DSCAML1: variants seen among roughly 807,000 people sequenced by gnomAD.
DSCAML1 encodes cell adhesion molecule DSCAML1.
A neutral mutation model predicts 200.5 loss-of-function variants in DSCAML1; 38 were observed. The observed-to-expected ratio is 0.19, with a 90% CI of 0.15 to 0.25. DSCAML1 has a LOEUF of 0.25. Ranked by LOEUF, DSCAML1 falls within the 10% of genes least tolerant of loss-of-function variation. DSCAML1 has a pLI of 1.00. For missense variants in DSCAML1, 2,223 were observed against 2,858.8 expected (o/e 0.78, Z 5.07); for synonymous variants, 1,215 against 1,165.0 (o/e 1.04, Z -0.87).
chr11:117,788,720 G>A (rs2055407732), intron 1 of DSCAML1, among the ~76,000 whole-genome samples: 1 of 152,188 alleles, frequency 6.6e-6, no homozygotes, highest in South Asian at 2.1e-4. Context: ...ACAGCCCTTG[G>A]ATGTAGCTAC....
intron 21 of DSCAML1, among the ~76,000 whole-genome samples, chr11:117,442,283 GTGTA>G (rs1186698310): frequency 6.6e-6 from 1 of 150,954 alleles, no homozygotes; most frequent in Non-Finnish European, 1.5e-5. Context: ...TGTGTATAGT[GTGTA>G]TGTGTGTATA....
chr11:117,480,682 C>T lies in DSCAML1; in HGVS notation c.2657-111G>A, dbSNP rs1010883266. 3 of 1,331,092 alleles carry T rather than the reference C, an allele frequency of 2.3e-6. No homozygotes were observed. Among genetic ancestry groups the T allele is most frequent in the Non-Finnish European group, 2.1e-6 (2 of 971,922 alleles). 82.5% of individuals were successfully genotyped at this position (1,331,092 alleles called of 1,614,324 possible). ...TGGGTCTAGCCAAGGACTCTGGCACCCTAGGGTTTGAGCAGGGTGGGGGCT... is the reference window on the plus strand; with the variant it reads ...TGGGTCTAGCCAAGGACTCTGGCACTCTAGGGTTTGAGCAGGGTGGGGGCT... On this transcript the variant is annotated intron_variant, in intron 13 of 32. Transcript: ENST00000651296. The surrounding 1 kb of genome is among the most constrained non-coding windows in gnomAD (Gnocchi z 4.1).
At chr11:117,816,798 T>TGGGGAG (rs1555038448) in intron 1 of DSCAML1, among the ~76,000 whole-genome samples, 1 of 100,310 alleles carries the variant, frequency 1.0e-5, no homozygotes, top group South Asian at 3.8e-4. Context: ...TCGGAATTGC[T>TGGGGAG]GGGGGGGTGG....
rs1420091010 is a variant in DSCAML1 at position 117,435,944 on chromosome 11, C to A, written c.4721-145G>T. ...TCCTGGCACAGAACCCTGGACTTCCCCTCTGCTCCCCAAATTCTGGTCCTA... is the reference window on the plus strand; with the variant it reads ...TCCTGGCACAGAACCCTGGACTTCCACTCTGCTCCCCAAATTCTGGTCCTA... On this transcript the variant is annotated intron_variant, in intron 26 of 32. Coordinates refer to ENST00000651296, the MANE Select transcript of DSCAML1 (RefSeq NM_020693.4). The A allele has an allele frequency of 5.0e-6, 4 of 793,408 alleles. No homozygotes were observed. The East Asian group carries it at 1.1e-4, about 22-fold the overall frequency. The allele number at this position is 793,408 out of a possible 1,614,324, so 49.1% of individuals were successfully genotyped here. A position where few individuals can be genotyped will look rare whatever the true frequency, so the allele number is the denominator to read the frequency against.
intron 3 of DSCAML1, among the ~76,000 whole-genome samples, chr11:117,580,424 T>C (rs1345205355): frequency 2.0e-5 from 3 of 152,232 alleles, no homozygotes; most frequent in Non-Finnish European, 4.4e-5. Flanking sequence ...GTGTGACCTC[T>C]GGTAGGTACT....
At chr11:117,525,350 TGACA>T (rs773537965) in intron 4 of DSCAML1, among the ~76,000 whole-genome samples, 20 of 151,350 alleles carry the variant, frequency 1.3e-4, no homozygotes, top group Middle Eastern at 6.8e-3. Flanking sequence ...GGGACTAGAG[TGACA>T]GACAGAGAGA....
intron 3 of DSCAML1, among the ~76,000 whole-genome samples, chr11:117,636,036 C>A (rs896957872): frequency 2.0e-5 from 3 of 152,154 alleles, no homozygotes; most frequent in African/African-American, 7.2e-5. Flanking sequence ...TTAGTAATTT[C>A]CCTTCTGCAT....
rs1250291596 is a variant in DSCAML1, at chr11:117,769,157, A to G, written c.511+7634T>C. Reference sequence around the variant, plus strand: ...ATATTATATATTATATATATTTTATATATATTATATATTTTATATATATTA... The same window carrying G: ...ATATTATATATTATATATATTTTATGTATATTATATATTTTATATATATTA... On this transcript the variant is annotated intron_variant, in intron 3 of 32. Transcript: ENST00000651296. Among the ~76,000 whole-genome samples the G allele has an allele frequency of 9.9e-3, 377 of 38,226 alleles. 2 individuals are homozygous for G. Among genetic ancestry groups the G allele is most frequent in the Admixed American group, 0.021 (34 of 1,594 alleles). The allele number at this position is 38,226 out of a possible 152,430, so 25.1% of individuals were successfully genotyped here. A position where few individuals can be genotyped will look rare whatever the true frequency, so the allele number is the denominator to read the frequency against.
chr11:117,653,224 A>T (rs2052667204), intron 3 of DSCAML1, among the ~76,000 whole-genome samples: 1 of 152,204 alleles, frequency 6.6e-6, no homozygotes, highest in South Asian at 2.1e-4. Context: ...GCACACAAAC[A>T]AGGTTTATAA....
intron 3 of DSCAML1, among the ~76,000 whole-genome samples, chr11:117,606,652 CCA>C (rs1383955413): frequency 6.6e-6 from 1 of 152,196 alleles, no homozygotes; most frequent in East Asian, 1.9e-4. Context: ...ACCCCGGCAC[CCA>C]GACTCTGCTC....
rs1238140921 is a variant in DSCAML1 at position 117,669,098 on chromosome 11, G to T, written c.511+107693C>A. Among the ~76,000 whole-genome samples, 4 of 152,240 alleles carry T rather than the reference G, an allele frequency of 2.6e-5. No homozygotes were observed. In the East Asian group the frequency reaches 7.7e-4, roughly 29 times the overall value. On this transcript the variant is annotated intron_variant, in intron 3 of 32. Coordinates refer to ENST00000651296, the MANE Select transcript of DSCAML1 (RefSeq NM_020693.4). ...ATTCCTATTGATTTCTAAGGCCTAG[G>T]TGCCCCCAGGGCCTCTTGCTGCAGG...
chr11:117,599,202 G>C (rs924122221), intron 3 of DSCAML1, among the ~76,000 whole-genome samples: 10 of 152,108 alleles, frequency 6.6e-5, no homozygotes, highest in African/African-American at 2.4e-4. Context: ...AGGGGACCCT[G>C]GATCCAGCCC....
At chr11:117,583,938 A>C (rs1020064433) in intron 3 of DSCAML1, among the ~76,000 whole-genome samples, 2 of 152,180 alleles carry the variant, frequency 1.3e-5, no homozygotes, top group Admixed American at 1.3e-4. Flanking sequence ...CAAAGAAAAG[A>C]AGCTCTGACA....
intron 3 of DSCAML1, among the ~76,000 whole-genome samples, chr11:117,747,115 C>T (rs1000873869): frequency 1.3e-5 from 2 of 152,166 alleles, no homozygotes; most frequent in African/African-American, 4.8e-5. Context: ...CTGGCCTTCA[C>T]CGCCCTCTCC....
intron 3 of DSCAML1, among the ~76,000 whole-genome samples, chr11:117,774,535 A>G (rs547249609): frequency 6.6e-6 from 1 of 152,272 alleles, no homozygotes; most frequent in African/African-American, 2.4e-5. Context: ...CCCAGCTAGT[A>G]AGCAATGGAG....
Position 117,430,222 on chromosome 11 carries a change from G to C in DSCAML1, c.5686+500C>G, listed in dbSNP as rs796510694. ...GCCAGGCCAGGTCACTGCCTACTGA[G>C]AGGTATGACCATGGTGGGTGGAGCT... is the stretch of plus-strand genomic sequence containing the variant. On this transcript the variant is annotated intron_variant, in intron 32 of 32. Transcript: ENST00000651296. 1.1e-4 allele frequency among the ~76,000 whole-genome samples: 16 copies of C among 152,330 alleles called. 1 individual carries two copies. Among genetic ancestry groups the C allele is most frequent in the African/African-American group, 3.8e-4 (16 of 41,562 alleles).
chr11:117,558,615 G>A (rs1320554735), intron 3 of DSCAML1, among the ~76,000 whole-genome samples: 3 of 152,170 alleles, frequency 2.0e-5, no homozygotes, highest in Non-Finnish European at 1.5e-5. Flanking sequence ...GTAGCAGGAC[G>A]AGTCACAGAC....
chr11:117,521,838 G>C (rs2049892901), intron 5 of DSCAML1, among the ~76,000 whole-genome samples: 2 of 152,298 alleles, frequency 1.3e-5, no homozygotes, highest in East Asian at 1.9e-4. Context: ...CTGCTGGTCT[G>C]ATTTCCTCTA....
chr11:117,486,290 A>C (rs545633874), intron 11 of DSCAML1, among the ~76,000 whole-genome samples: 1 of 113,018 alleles, frequency 8.8e-6, no homozygotes, highest in African/African-American at 3.6e-5. Context: ...GGATGTGAAA[A>C]TGGCAGATGT....
Sources: gnomAD v4.1 joint callset for allele counts (sites outside exome capture counted in the v4.1 genomes callset) on GRCh38, gnomAD v4.1.1 for gene constraint, Gnocchi (gnomAD v3.1) non-coding constraint, MANE v1.5 for transcripts, NCBI Gene and HGNC (gene_info 2026-07-23, HGNC 2026-07-21) for gene names.